ADARB2: variants seen among roughly 807,000 people sequenced by gnomAD.
ADARB2 encodes the protein adenosine deaminase RNA specific B2 (inactive).
Under a neutral mutation model 62.2 loss-of-function variants are expected in ADARB2, and 25 were observed. The ratio of observed to expected loss-of-function variants is 0.40; its 90% CI spans 0.29 to 0.56. The LOEUF (loss-of-function observed/expected upper bound fraction) is 0.56. Among genes scored for constraint, ADARB2 ranks in the 20% least tolerant of loss-of-function variants. The pLI is 0.43. For synonymous variants in ADARB2, 572 were observed against 500.8 expected, an observed-to-expected ratio of 1.14 and a Z score of -1.90; for missense variants, 1,071 against 1,077.4, an observed-to-expected ratio of 0.99 and a Z score of 0.08.
At chr10:1,277,703 G>A (rs1305925556) in intron 3 of ADARB2, among the ~76,000 whole-genome samples, 3 of 152,124 alleles carry the variant, frequency 2.0e-5, no homozygotes, top group Non-Finnish European at 1.5e-5. Context: ...CATTCCTTCT[G>A]AAACTATTCC....
chr10:1,536,236 G>A (rs1205819453), intron 1 of ADARB2, among the ~76,000 whole-genome samples: 1 of 152,168 alleles, frequency 6.6e-6, no homozygotes, highest in Non-Finnish European at 1.5e-5. Context: ...GATTAGAAGA[G>A]AAAGAGACCG....
intron 1 of ADARB2, among the ~76,000 whole-genome samples, chr10:1,544,014 C>CAAAAAAAAAAAAAA (rs1832479651): frequency 5.1e-5 from 1 of 19,422 alleles, no homozygotes. Flanking sequence ...AAAAAAAAAA[C>CAAAAAAAAAAAAAA]AAACAAAAAA....
At chr10:1,284,991 T>TGGGGA (rs1446639728) in intron 3 of ADARB2, among the ~76,000 whole-genome samples, 1 of 152,000 alleles carries the variant, frequency 6.6e-6, no homozygotes, top group Non-Finnish European at 1.5e-5. Flanking sequence ...GGTGAGTGGC[T>TGGGGA]GGGGAGGGGA....
chr10:1,533,458 A>G (rs2676733), intron 1 of ADARB2, among the ~76,000 whole-genome samples: 81,747 of 131,462 alleles, frequency 0.62, 22,812 homozygotes, highest in East Asian at 0.76. Flanking sequence ...TTTTAATCAC[A>G]ATCCTGAGAG....
At chr10:1,228,288 C>T (rs184342643) in intron 6 of ADARB2, among the ~76,000 whole-genome samples, 48 of 152,212 alleles carry the variant, frequency 3.2e-4, no homozygotes, top group African/African-American at 1.0e-3. Context: ...ACTGAGTTTA[C>T]CAGGTTATTT....
intron 4 of ADARB2, among the ~76,000 whole-genome samples, chr10:1,266,189 G>A (rs1831198203): frequency 6.6e-6 from 1 of 152,252 alleles, no homozygotes; most frequent in Non-Finnish European, 1.5e-5. Flanking sequence ...TCGGCGCCGA[G>A]AAGGAGTGGT....
chr10:1,345,959 G>T (rs984769160), intron 3 of ADARB2, among the ~76,000 whole-genome samples: 4 of 152,164 alleles, frequency 2.6e-5, no homozygotes, highest in Non-Finnish European at 5.9e-5. Context: ...CATCACAAAT[G>T]AACCGTGGTT....
chr10:1,584,855 A>T (rs879797126), intron 1 of ADARB2, among the ~76,000 whole-genome samples: 3 of 152,192 alleles, frequency 2.0e-5, no homozygotes, highest in Non-Finnish European at 4.4e-5. Context: ...CCATCTGAAA[A>T]GGCTACATCC....
intron 1 of ADARB2, among the ~76,000 whole-genome samples, chr10:1,451,516 C>T (rs540829659): frequency 1.3e-5 from 2 of 152,086 alleles, no homozygotes; most frequent in African/African-American, 4.8e-5. Context: ...AGGGGACACA[C>T]CTGTATGAGG....
rs74370946 is a variant in ADARB2, at chr10:1,510,439, C to A, written c.101-131279G>T. ...TCAAGCAATCCTCCCTCCTCAGCAT[C>A]CCAAAGTGTTGGGATGACAAGGGTG... On this transcript the variant is annotated intron_variant, in intron 1 of 9. Transcript: ENST00000381312. 3.5e-4 allele frequency among the ~76,000 whole-genome samples: 54 copies of A among 152,214 alleles called. 2 individuals are homozygous for A. In the East Asian group the frequency reaches 8.3e-3, roughly 23 times the overall value.
rs11250579 is a variant in ADARB2 at position 1,519,423 on chromosome 10, A to T, written c.101-140263T>A. ...ATGCATGCGTTTGTGTAGTGTCTGTATGTTGGTATTGTCATATGAATGCAT... is the reference window on the plus strand; with the variant it reads ...ATGCATGCGTTTGTGTAGTGTCTGTTTGTTGGTATTGTCATATGAATGCAT... On this transcript the variant is annotated intron_variant, in intron 1 of 9. Coordinates refer to ENST00000381312, the MANE Select transcript of ADARB2 (RefSeq NM_018702.4). Among the ~76,000 whole-genome samples, 142 of 152,206 alleles carry T rather than the reference A, an allele frequency of 9.3e-4. 5 individuals are homozygous for T. The East Asian group carries it at 0.016, about 17-fold the overall frequency.
chr10:1,505,271 C>T (rs370821162), intron 1 of ADARB2, among the ~76,000 whole-genome samples: 2 of 152,190 alleles, frequency 1.3e-5, no homozygotes, highest in East Asian at 1.9e-4. Flanking sequence ...CCTCGCATTG[C>T]CCCATTTAAC....
chr10:1,601,266 C>T (rs915136827), intron 1 of ADARB2, among the ~76,000 whole-genome samples: 2 of 152,162 alleles, frequency 1.3e-5, no homozygotes, highest in African/African-American at 4.8e-5. Flanking sequence ...GGAGCCCAGG[C>T]GTCAATGACC....
chr10:1,730,304 C>T (rs1835214757), intron 1 of ADARB2, among the ~76,000 whole-genome samples: 1 of 152,152 alleles, frequency 6.6e-6, no homozygotes, highest in African/African-American at 2.4e-5. Context: ...TACTTAACAC[C>T]AAAAATAATA....
intron 1 of ADARB2, among the ~76,000 whole-genome samples, chr10:1,577,679 G>C (rs1054414800): frequency 3.3e-5 from 5 of 152,250 alleles, no homozygotes; most frequent in African/African-American, 1.2e-4. Flanking sequence ...CGAATGTGCA[G>C]CCCCACCATC....
intron 7 of ADARB2, 162 bp from the exon 8 acceptor site, chr10:1,200,309 T>A: frequency 1.2e-6 from 1 of 845,014 alleles, no homozygotes. Flanking sequence ...CAGCCATCAC[T>A]GGGGCTCTGG....
At chr10:1,423,001 G>T (rs972868473) in intron 1 of ADARB2, among the ~76,000 whole-genome samples, 3 of 152,170 alleles carry the variant, frequency 2.0e-5, no homozygotes, top group Non-Finnish European at 4.4e-5. Flanking sequence ...TAGATGTTCT[G>T]TGAGCCTGTG....
At chr10:1,378,674 C>T (rs915441194) in intron 2 of ADARB2, among the ~76,000 whole-genome samples, 6 of 150,850 alleles carry the variant, frequency 4.0e-5, no homozygotes, top group African/African-American at 1.5e-4. Context: ...ACTCCAGGTG[C>T]GGGTGGGACC....
At chr10:1,413,647 G>C (rs751351954) in intron 1 of ADARB2, among the ~76,000 whole-genome samples, 9 of 152,132 alleles carry the variant, frequency 5.9e-5, no homozygotes, top group Non-Finnish European at 1.3e-4. Context: ...GGGAAGCCAA[G>C]ATTCTCACTC....
Sources: gnomAD v4.1 joint callset for allele counts (sites outside exome capture counted in the v4.1 genomes callset) on GRCh38, gnomAD v4.1.1 for gene constraint, MANE v1.5 for transcripts, NCBI Gene and HGNC (gene_info 2026-07-23, HGNC 2026-07-21) for gene names.